The following DDX24 variants were observed in gnomAD, a reference collection of about 807,000 sequenced individuals.
DDX24 encodes ATP-dependent RNA helicase DDX24.
A neutral mutation model predicts 68.9 loss-of-function variants in DDX24; 24 were observed. The ratio of observed to expected loss-of-function variants is 0.35; its 90% CI spans 0.25 to 0.49. DDX24 has a LOEUF of 0.49. Among genes scored for constraint, DDX24 ranks in the 20% least tolerant of loss-of-function variants. The pLI, the probability that DDX24 is intolerant of heterozygous loss-of-function variation, is 0.99. For missense variants in DDX24, 989 were observed against 1,039.0 expected, an observed-to-expected ratio of 0.95 and a Z score of 0.66; for synonymous variants, 395 against 385.2, an observed-to-expected ratio of 1.03 and a Z score of -0.30.
At chr14:94,064,991 C>T (rs1186740519) in intron 2 of DDX24, among the ~76,000 whole-genome samples, 2 of 151,828 alleles carry the variant, frequency 1.3e-5, no homozygotes, top group East Asian at 3.9e-4. Context: ...AGTTGCAGAG[C>T]TGGTTGTGAG....
At chr14:94,072,703 G>A (rs1292620970) in intron 2 of DDX24, among the ~76,000 whole-genome samples, 4 of 152,096 alleles carry the variant, frequency 2.6e-5, no homozygotes, top group African/African-American at 9.7e-5. Context: ...GGTGGCACAT[G>A]CCTGTAGTTC....
intron 2 of DDX24, among the ~76,000 whole-genome samples, chr14:94,065,731 C>CA (rs1885691458): frequency 6.6e-6 from 1 of 152,188 alleles, no homozygotes; most frequent in Non-Finnish European, 1.5e-5. Context: ...CACACACCCC[C>CA]ACTAGAGAAG....
chr14:94,080,412 A>C (rs1303211531), intron 1 of DDX24, among the ~76,000 whole-genome samples: 1 of 152,146 alleles, frequency 6.6e-6, no homozygotes, highest in East Asian at 1.9e-4. Flanking sequence ...TTTCCTTTTC[A>C]GAAAGGCCAA....
intron 3 of DDX24, among the ~76,000 whole-genome samples, chr14:94,061,479 T>C (rs756021071): frequency 2.6e-5 from 4 of 152,218 alleles, no homozygotes; most frequent in Non-Finnish European, 5.9e-5. Context: ...GGTCCACTAA[T>C]GCCCTGTTGT....
chr14:94,071,657 G>GA (rs1885832702), intron 2 of DDX24, among the ~76,000 whole-genome samples: 1 of 148,164 alleles, frequency 6.7e-6, no homozygotes, highest in African/African-American at 2.5e-5. Context: ...CTTAAAAAAA[G>GA]AAAAAAAGCC....
intron 6 of DDX24, chr14:94,057,098 T>G (rs1354806403): frequency 1.3e-5 from 2 of 152,236 alleles, no homozygotes; most frequent in Non-Finnish European, 2.9e-5. Context: ...GGTAGCTAGT[T>G]GTTACTTCCA....
At chr14:94,062,067 A>G in intron 3 of DDX24, 30 bp downstream of exon 3, 1 of 1,567,904 alleles carries the variant, frequency 6.4e-7, no homozygotes, top group Non-Finnish European at 8.6e-7. Context: ...TTTACCTAGA[A>G]AATATTTATT....
In DDX24 at chr14:94,079,408, G is replaced by C. The variant is rs1367887699; in HGVS notation, c.335C>G (p.Thr112Ser). Reference protein sequence around the residue: ...KKSKNVATEGTSTQKEFEVKD... With the variant: ...KKSKNVATEGSSTQKEFEVKD... ...CACTTCAAATTCTTTCTGGGTACTG[G>C]TTCCTTCAGTTGCTACATTTTTACT... The change falls in exon 2 of 9, where the codon ACC (threonine) becomes AGC (serine). Residue 112 changes from threonine (T) to serine (S), a missense_variant. By Grantham distance (58) the Thr-to-Ser change is moderately conservative (BLOSUM62 1). Coordinates refer to ENST00000621632, the MANE Select transcript of DDX24 (RefSeq NM_020414.4). 1.2e-6 allele frequency: 2 copies of C among 1,613,878 alleles called. No homozygotes were observed. The highest frequency in any genetic ancestry group is 1.7e-6 in the Non-Finnish European group (2 of 1,180,032).
rs760863735 is a variant in DDX24 at position 94,079,691 on chromosome 14, A to G, written c.52T>C (p.Phe18Leu). The change falls in exon 2 of 9, where the codon TTT (phenylalanine) becomes CTT (leucine). Residue 18 changes from phenylalanine (F) to leucine (L), a missense_variant. Phe to Leu is a conservative substitution (Grantham distance 22). Transcript: ENST00000621632. ...SRPKQSSCGK[F>L]QTKGIKVVGK... ...ACAACTTTGATTCCCTTTGTCTGAA[A>G]TTTGCCACAGCTTGACTGCTTTGGC... 5.6e-6 allele frequency: 9 copies of G among 1,614,122 alleles called. No individual in the cohort carries two copies. In the South Asian group the frequency reaches 8.8e-5, roughly 16 times the overall value.
At chr14:94,078,991 G>A (rs1403118084) in intron 2 of DDX24, 34 bp downstream of exon 2, 1 of 1,585,934 alleles carries the variant, frequency 6.3e-7, no homozygotes, top group Non-Finnish European at 8.6e-7. Flanking sequence ...GCTCAATCCA[G>A]AAGCAATCCT....
At chr14:94,080,193 G>T (rs1410211811) in intron 1 of DDX24, among the ~76,000 whole-genome samples, 1 of 152,198 alleles carries the variant, frequency 6.6e-6, no homozygotes, top group Non-Finnish European at 1.5e-5. Flanking sequence ...AATCTCAGGG[G>T]TTTTTCTTGT....
chr14:94,055,545 G>A (rs1224456143), intron 6 of DDX24: 1 of 229,434 alleles, frequency 4.4e-6, no homozygotes, highest in African/African-American at 2.2e-5. Context: ...TTTATCCATA[G>A]ATAATGTGGC....
chr14:94,078,528 A>G (rs1885992314), intron 2 of DDX24, among the ~76,000 whole-genome samples: 1 of 152,196 alleles, frequency 6.6e-6, no homozygotes, highest in African/African-American at 2.4e-5. Context: ...TTCCAATGAC[A>G]AGAAACTCAT....
intron 2 of DDX24, among the ~76,000 whole-genome samples, chr14:94,069,193 G>GA (rs1443839662): frequency 2.6e-5 from 4 of 151,974 alleles, no homozygotes; most frequent in Admixed American, 6.6e-5. Flanking sequence ...TATTACAACT[G>GA]AAACCACTGA....
At chr14:94,072,809 A>C (rs931220366) in intron 2 of DDX24, among the ~76,000 whole-genome samples, 2 of 152,216 alleles carry the variant, frequency 1.3e-5, no homozygotes, top group African/African-American at 4.8e-5. Context: ...AGCCAGGGTG[A>C]CAAAGCAAGA....
chr14:94,060,333 C>G lies in DDX24; in HGVS notation c.1678G>C (p.Val560Leu). 1 of 1,614,194 alleles carries G rather than the reference C, an allele frequency of 6.2e-7. No homozygotes were observed. The highest frequency in any genetic ancestry group is 8.5e-7 in the Non-Finnish European group (1 of 1,180,048). Reference sequence around the variant, plus strand: ...ATCTTGGTCTCTGTTAGCGTCTCCACCGTGGCCTCATTCCTTGTGAGGTCA... The same window carrying G: ...ATCTTGGTCTCTGTTAGCGTCTCCAGCGTGGCCTCATTCCTTGTGAGGTCA... ...VIDLTRNEAT[V>L]ETLTETKIHC... The change falls in exon 5 of 9, where the codon GTG becomes CTG. Residue 560 changes from valine to leucine, a missense_variant. This residue lies in a region of DDX24 where 691 missense variants were observed against 760.0 expected (regional missense o/e 0.91). Coordinates refer to ENST00000621632, the MANE Select transcript of DDX24 (RefSeq NM_020414.4).
At chr14:94,073,405 C>T (rs1222151045) in intron 2 of DDX24, among the ~76,000 whole-genome samples, 1 of 152,064 alleles carries the variant, frequency 6.6e-6, no homozygotes, top group African/African-American at 2.4e-5. Flanking sequence ...AACTCAAAGA[C>T]ACGAACTGTC....
intron 5 of DDX24, 23 bp downstream of exon 5, chr14:94,060,075 C>G: frequency 6.3e-7 from 1 of 1,591,066 alleles, no homozygotes; most frequent in East Asian, 2.2e-5. Context: ...GAGGTTAAGC[C>G]TCTGGGGACA....
intron 2 of DDX24, among the ~76,000 whole-genome samples, chr14:94,067,064 A>G (rs927530829): frequency 2.0e-5 from 3 of 152,210 alleles, no homozygotes; most frequent in African/African-American, 7.2e-5. Flanking sequence ...AGAAAGATAA[A>G]GTCTCAATGC....
Sources: allele counts gnomAD v4.1 joint callset (sites outside exome capture counted in the v4.1 genomes callset), GRCh38; gene constraint gnomAD v4.1.1; regional missense constraint gnomAD v4.1.1; transcripts MANE v1.5; gene names NCBI Gene and HGNC (gene_info 2026-07-23, HGNC 2026-07-21).